Variants in NTS observed in about 807,000 individuals in gnomAD.
The protein encoded by NTS is neurotensin, also known as neurotensin/neuromedin N.
In NTS, 20 loss-of-function variants were observed where a neutral mutation model predicts 19.5. That is an observed-to-expected ratio of 1.02 (90% CI 0.72 to 1.49). The LOEUF (loss-of-function observed/expected upper bound fraction) is 1.49, where lower values mean the gene tolerates loss of function less well. Among genes scored for constraint, NTS ranks in the 40% most tolerant of loss-of-function variants. The pLI is 0.00. For synonymous variants in NTS, 71 were observed against 63.3 expected (o/e 1.12, Z -0.58); for missense variants, 215 against 193.1 (o/e 1.11, Z -0.67).
At chr12:85,879,555 T>C (rs1881446824) in intron 3 of NTS, among the ~76,000 whole-genome samples, 1 of 111,366 alleles carries the variant, frequency 9.0e-6, no homozygotes. Context: ...TTGTATATTT[T>C]ATGTATATAA....
At chr12:85,879,984 G>A (rs925774149) in intron 3 of NTS, among the ~76,000 whole-genome samples, 5 of 149,296 alleles carry the variant, frequency 3.3e-5, no homozygotes, top group African/African-American at 1.2e-4. Flanking sequence ...GTAATGGCAA[G>A]AACCGTAATT....
chr12:85,878,014 A>AT (rs1297705325), intron 2 of NTS: 1 of 164,624 alleles, frequency 6.1e-6, no homozygotes, highest in Non-Finnish European at 1.3e-5. Flanking sequence ...AGACAGAATA[A>AT]TTTTTTATTT....
At chr12:85,874,899 G>A (rs558991563) in intron 1 of NTS, among the ~76,000 whole-genome samples, 5 of 152,198 alleles carry the variant, frequency 3.3e-5, no homozygotes, top group South Asian at 4.1e-4. Flanking sequence ...TGGCCCTCAC[G>A]CCCTTGTAAT....
chr12:85,882,103 C>T (rs1185801622), intron 3 of NTS, 120 bp from the exon 4 acceptor site: 12 of 731,270 alleles, frequency 1.6e-5, no homozygotes, highest in Non-Finnish European at 2.5e-5. Context: ...TCATGTATCT[C>T]GTATCTCACC....
At chr12:85,877,758 T>C (rs534265638) in intron 2 of NTS, among the ~76,000 whole-genome samples, 7 of 152,234 alleles carry the variant, frequency 4.6e-5, no homozygotes, top group South Asian at 2.1e-4. Flanking sequence ...AGTTCAAAAA[T>C]AGACAACTGA....
At chr12:85,875,689 A>C (rs1881325536) in intron 1 of NTS, among the ~76,000 whole-genome samples, 1 of 152,044 alleles carries the variant, frequency 6.6e-6, no homozygotes, top group Non-Finnish European at 1.5e-5. Flanking sequence ...ACTTGAAACT[A>C]CTTGTTGTAA....
At chr12:85,881,569 T>C (rs78465939) in intron 3 of NTS, among the ~76,000 whole-genome samples, 10,188 of 152,180 alleles carry the variant, frequency 0.067, 475 homozygotes, top group Middle Eastern at 0.21. Context: ...TTAACTCCCT[T>C]AAGTTATTGA....
chr12:85,874,516 CT>C (rs761630028), intron 1 of NTS, 40 bp downstream of exon 1: 8 of 1,393,114 alleles, frequency 5.7e-6, no homozygotes, highest in African/African-American at 5.7e-5. Context: ...GAAGTGATTT[CT>C]TTTTTCTCTT....
rs1881285897 is a variant in NTS at position 85,874,463 on chromosome 12, G to C, written c.60G>C (p.Trp20Cys). 1 of 1,612,130 alleles carries C rather than the reference G, an allele frequency of 6.2e-7. No homozygotes were observed. The highest frequency in any genetic ancestry group is 8.5e-7 in the Non-Finnish European group (1 of 1,178,380). The change falls in exon 1 of 4, where the codon TGG (tryptophan) becomes TGC (cysteine). Residue 20 changes from tryptophan to cysteine, a missense_variant. Trp to Cys is a radical substitution (Grantham distance 215, BLOSUM62 -2). Transcript: ENST00000256010. ...VCMLLLAFSS[W>C]SLCSDSEEEM... The stretch of plus-strand genomic sequence containing the variant: ...TGCTACTCCTGGCTTTCAGCTCCTG[G>C]AGTCTGTGCTCAGGTAAGCAAAACA...
intron 2 of NTS, 56 bp downstream of exon 2, chr12:85,876,757 A>G: frequency 1.1e-6 from 1 of 912,614 alleles, no homozygotes; most frequent in South Asian, 1.9e-5. Flanking sequence ...TTTCATTATA[A>G]ACATGGTATC....
chr12:85,879,767 A>T lies in NTS; in HGVS notation c.360+1198A>T, dbSNP rs1271991625. Among the ~76,000 whole-genome samples the T allele has an allele frequency of 5.5e-3, 661 of 120,190 alleles. 76 individuals carry two copies. Among genetic ancestry groups the T allele is most frequent in the Non-Finnish European group, 8.2e-3 (439 of 53,372 alleles). The allele number at this position is 120,190 out of a possible 152,430, so 78.8% of individuals were successfully genotyped here. A position where few individuals can be genotyped will look rare whatever the true frequency, so the allele number is the denominator to read the frequency against. Reference sequence around the variant, plus strand: ...AAATATATTTTTTGTATATTTTTGTATATAAAATATATTTTTTGTATATTT... The same window carrying T: ...AAATATATTTTTTGTATATTTTTGTTTATAAAATATATTTTTTGTATATTT... On this transcript the variant is annotated intron_variant, in intron 3 of 3. Transcript: ENST00000256010.
At chr12:85,879,711 A>AAT (rs1881455236) in intron 3 of NTS, among the ~76,000 whole-genome samples, 1 of 122,404 alleles carries the variant, frequency 8.2e-6, no homozygotes, top group Non-Finnish European at 1.9e-5. Context: ...TATGTATATA[A>AAT]AATATATTTT....
chr12:85,878,782 A>G (rs1216177116), intron 3 of NTS, among the ~76,000 whole-genome samples: 1 of 152,120 alleles, frequency 6.6e-6, no homozygotes, highest in Non-Finnish European at 1.5e-5. Context: ...TTCAATATTA[A>G]AAAGAGGATA....
At chr12:85,874,765 T>G (rs1881300953) in intron 1 of NTS, among the ~76,000 whole-genome samples, 1 of 152,158 alleles carries the variant, frequency 6.6e-6, no homozygotes, top group Non-Finnish European at 1.5e-5. Flanking sequence ...AAACTTTCAA[T>G]TAGGCTGATC....
intron 3 of NTS, among the ~76,000 whole-genome samples, chr12:85,879,525 ATGTATATAAAATATATTTTT>A (rs1368654727): frequency 5.9e-4 from 68 of 115,832 alleles, no homozygotes; most frequent in African/African-American, 2.1e-3. Flanking sequence ...TGTATATTTT[ATGTATATAAAATATATTTTT>A]TGTATATTTT....
chr12:85,879,337 G>T (rs1208605797), intron 3 of NTS, among the ~76,000 whole-genome samples: 1 of 84,424 alleles, frequency 1.2e-5, no homozygotes, highest in Non-Finnish European at 2.2e-5. Flanking sequence ...TATATTTTAT[G>T]TATATTTTAT....
rs17013451 is a variant in NTS, at chr12:85,882,750, C to T, written c.*375C>T. 500 of 154,356 alleles carry T rather than the reference C, an allele frequency of 3.2e-3. 2 individuals are homozygous for T. Among genetic ancestry groups the T allele is most frequent in the African/African-American group, 0.011 (475 of 41,654 alleles). The allele number at this position is 154,356 out of a possible 1,614,324, so 9.6% of individuals were successfully genotyped here. A position where few individuals can be genotyped will look rare whatever the true frequency, so the allele number is the denominator to read the frequency against. On this transcript the variant is annotated 3_prime_UTR_variant, in exon 4 of 4. Transcript: ENST00000256010. Reference sequence around the variant, plus strand: ...TCATTCACCCAAAACAAAGTAATAGCGCCTCTTTTATTATTTTGACTGAAT... The same window carrying T: ...TCATTCACCCAAAACAAAGTAATAGTGCCTCTTTTATTATTTTGACTGAAT...
At chr12:85,879,532 TAAAATATA>T (rs1881445107) in intron 3 of NTS, among the ~76,000 whole-genome samples, 1 of 117,814 alleles carries the variant, frequency 8.5e-6, no homozygotes, top group African/African-American at 3.3e-5. Context: ...TTTATGTATA[TAAAATATA>T]TTTTTTGTAT....
At chr12:85,876,244 A>T (rs562587984) in intron 1 of NTS, among the ~76,000 whole-genome samples, 1 of 151,982 alleles carries the variant, frequency 6.6e-6, no homozygotes, top group African/African-American at 2.4e-5. Context: ...AGTCTTCATT[A>T]TGTTGTGTTT....
Sources: allele counts gnomAD v4.1 joint callset (sites outside exome capture counted in the v4.1 genomes callset), GRCh38; gene constraint gnomAD v4.1.1; transcripts MANE v1.5; gene names NCBI Gene and HGNC (gene_info 2026-07-23, HGNC 2026-07-21).